Variants in ACSS3 observed in about 807,000 individuals in gnomAD.
The protein encoded by ACSS3 is acyl-CoA synthetase short-chain family member 3, mitochondrial.
A neutral mutation model predicts 84.2 loss-of-function variants in ACSS3; 64 were observed. That is an observed-to-expected ratio of 0.76 (90% confidence interval 0.62 to 0.94). The LOEUF (loss-of-function observed/expected upper bound fraction) is 0.94, where lower values mean the gene tolerates loss of function less well. Among genes scored for constraint, ACSS3 ranks in the 40% least tolerant of loss-of-function variants. ACSS3 has a pLI of 0.00. For synonymous variants in ACSS3, 317 were observed against 310.1 expected (o/e 1.02, Z -0.23); for missense variants, 815 against 867.6 (o/e 0.94, Z 0.76).
At chr12:81,095,410 T>C (rs1881972616) in intron 1 of ACSS3, among the ~76,000 whole-genome samples, 1 of 152,242 alleles carries the variant, frequency 6.6e-6, no homozygotes, top group Non-Finnish European at 1.5e-5. Context: ...TGAACCTTAA[T>C]ATTAATCTAA....
intron 5 of ACSS3, among the ~76,000 whole-genome samples, chr12:81,146,093 A>G: frequency 6.6e-6 from 1 of 152,152 alleles, no homozygotes; most frequent in East Asian, 1.9e-4. Context: ...TGTCTTATAC[A>G]TATTAGTTTT....
intron 8 of ACSS3, among the ~76,000 whole-genome samples, chr12:81,191,895 T>C (rs2031588454): frequency 6.6e-6 from 1 of 152,196 alleles, no homozygotes; most frequent in Non-Finnish European, 1.5e-5. Context: ...TTAAATATTT[T>C]CATTTGATTC....
chr12:81,120,177 G>T lies in ACSS3; in HGVS notation c.456+10473G>T, dbSNP rs561854243. On this transcript the variant is annotated intron_variant, in intron 2 of 15. Coordinates refer to ENST00000548058, the MANE Select transcript of ACSS3 (RefSeq NM_024560.4). ...ATTTGACATAGTTAATAATGAAAATGTGCACCCTGAGAACAAAACCAACTG... is the reference window on the plus strand; with the variant it reads ...ATTTGACATAGTTAATAATGAAAATTTGCACCCTGAGAACAAAACCAACTG... 2.7e-4 allele frequency among the ~76,000 whole-genome samples: 41 copies of T among 152,304 alleles called. 3 individuals are homozygous for T. In the Middle Eastern group the frequency reaches 0.041, roughly 152 times the overall value.
intron 1 of ACSS3, among the ~76,000 whole-genome samples, chr12:81,087,992 T>A (rs755963083): frequency 6.6e-6 from 1 of 152,136 alleles, no homozygotes; most frequent in Non-Finnish European, 1.5e-5. Flanking sequence ...GGTATTACTA[T>A]TTTTTGTGTT....
intron 1 of ACSS3, among the ~76,000 whole-genome samples, chr12:81,099,205 T>C (rs1882308477): frequency 6.6e-6 from 1 of 152,178 alleles, no homozygotes; most frequent in Admixed American, 6.5e-5. Context: ...ATATGTTGGC[T>C]TTGGTTGATT....
intron 7 of ACSS3, among the ~76,000 whole-genome samples, chr12:81,162,180 G>T (rs979450015): frequency 2.0e-5 from 3 of 152,198 alleles, no homozygotes; most frequent in Admixed American, 2.0e-4. Context: ...CAACTGGAGG[G>T]TGAGCAAGGC....
chr12:81,182,481 T>C (rs2031000169), intron 8 of ACSS3, among the ~76,000 whole-genome samples: 1 of 152,164 alleles, frequency 6.6e-6, no homozygotes, highest in East Asian at 1.9e-4. Flanking sequence ...GTAATGGTGG[T>C]GCATAAATCA....
intron 13 of ACSS3, among the ~76,000 whole-genome samples, chr12:81,251,668 C>CAA (rs71098134): frequency 0.067 from 5,876 of 87,740 alleles, 370 homozygotes; most frequent in African/African-American, 0.16. Flanking sequence ...CCCATCTCTA[C>CAA]AAAAAAAAAA....
At chr12:81,224,610 G>T (rs2033212935) in intron 11 of ACSS3, among the ~76,000 whole-genome samples, 1 of 150,914 alleles carries the variant, frequency 6.6e-6, no homozygotes, top group Non-Finnish European at 1.5e-5. Flanking sequence ...GTATGCACAT[G>T]CAGTAGTCCC....
At chr12:81,116,086 T>C (rs1017507835) in intron 2 of ACSS3, among the ~76,000 whole-genome samples, 47 of 152,148 alleles carry the variant, frequency 3.1e-4, no homozygotes, top group Admixed American at 2.9e-3. Context: ...GTATAATGTA[T>C]ATATTGTATA....
chr12:81,182,366 A>G (rs1438272757), intron 8 of ACSS3, among the ~76,000 whole-genome samples: 2 of 152,224 alleles, frequency 1.3e-5, no homozygotes, highest in Admixed American at 6.5e-5. Flanking sequence ...CATTATCATT[A>G]GACCTGCCTT....
chr12:81,109,782 G>A, intron 2 of ACSS3, 78 bp downstream of exon 2: 6 of 1,191,258 alleles, frequency 5.0e-6, no homozygotes, highest in Non-Finnish European at 6.8e-6. Context: ...TCATTGTAGA[G>A]CCTTCAATTC....
intron 2 of ACSS3, among the ~76,000 whole-genome samples, chr12:81,129,043 G>A (rs1462062378): frequency 6.6e-6 from 1 of 152,170 alleles, no homozygotes; most frequent in Non-Finnish European, 1.5e-5. Flanking sequence ...CCTTTTGTCT[G>A]TAGACCAGCT....
chr12:81,206,424 T>C (rs564578789), intron 9 of ACSS3, among the ~76,000 whole-genome samples: 18 of 152,138 alleles, frequency 1.2e-4, no homozygotes, highest in Non-Finnish European at 2.2e-4. Flanking sequence ...TATGAATGAC[T>C]TAACTACTGT....
intron 8 of ACSS3, among the ~76,000 whole-genome samples, chr12:81,197,463 G>A (rs527553887): frequency 6.6e-6 from 1 of 152,078 alleles, no homozygotes; most frequent in Non-Finnish European, 1.5e-5. Flanking sequence ...TGAAGTTCAT[G>A]CTATCTCTTT....
At chr12:81,179,430 G>C (rs181154084) in intron 8 of ACSS3, among the ~76,000 whole-genome samples, 2 of 151,834 alleles carry the variant, frequency 1.3e-5, no homozygotes, top group Non-Finnish European at 2.9e-5. Context: ...CCAACTACGC[G>C]TCAGAGAAAG....
intron 9 of ACSS3, among the ~76,000 whole-genome samples, chr12:81,208,313 T>C (rs1041039243): frequency 2.0e-5 from 3 of 152,186 alleles, no homozygotes; most frequent in African/African-American, 7.2e-5. Flanking sequence ...AAAGGCAGAA[T>C]GGCAGATTGC....
intron 3 of ACSS3, among the ~76,000 whole-genome samples, chr12:81,138,735 A>G (rs1885934410): frequency 6.6e-6 from 1 of 152,200 alleles, no homozygotes; most frequent in South Asian, 2.1e-4. Flanking sequence ...GAAGAGAAAT[A>G]TATAGAAAAC....
rs566811322 is a variant in ACSS3, at chr12:81,239,073, AAT to A, written c.1719+5605_1719+5606del. ...TATATTATAATTTTCATTTAGTTAA[AAT>A]ATGTTTAAATTTTTCTTGAAATATC... On this transcript the variant is annotated intron_variant, in intron 13 of 15. Coordinates refer to ENST00000548058, the MANE Select transcript of ACSS3 (RefSeq NM_024560.4). 2.1e-3 allele frequency among the ~76,000 whole-genome samples: 314 copies of A among 151,938 alleles called. 1 individual carries two copies. The highest frequency in any genetic ancestry group is 7.2e-3 in the African/African-American group (300 of 41,488).
Sources: allele counts gnomAD v4.1 joint callset (sites outside exome capture counted in the v4.1 genomes callset), GRCh38; gene constraint gnomAD v4.1.1; transcripts MANE v1.5; gene names NCBI Gene and HGNC (gene_info 2026-07-23, HGNC 2026-07-21).